Variants in SERPINI1 observed in about 807,000 individuals in gnomAD.
The protein encoded by SERPINI1 is neuroserpin.
In SERPINI1, 19 loss-of-function variants were observed where a neutral mutation model predicts 41.1. The ratio of observed to expected loss-of-function variants is 0.46; its 90% CI spans 0.32 to 0.68. The LOEUF is 0.68. SERPINI1 is among the 30% of genes least tolerant of loss of function. The pLI is 0.03. For synonymous variants in SERPINI1, 138 were observed against 156.6 expected (o/e 0.88, Z 0.89); for missense variants, 460 against 479.2 (o/e 0.96, Z 0.37).
intron 1 of SERPINI1, among the ~76,000 whole-genome samples, chr3:167,776,003 G>A (rs553582437): frequency 6.6e-6 from 1 of 152,150 alleles, no homozygotes; most frequent in Non-Finnish European, 1.5e-5. Context: ...CTACAAAATG[G>A]GGGGAGGCCT....
At chr3:167,749,312 C>G (rs571096676) in intron 1 of SERPINI1, among the ~76,000 whole-genome samples, 36 of 151,010 alleles carry the variant, frequency 2.4e-4, no homozygotes, top group African/African-American at 8.7e-4. Flanking sequence ...TGGTTTGACT[C>G]CTTCTCAACA....
chr3:167,766,935 T>C (rs1181209304), intron 1 of SERPINI1, among the ~76,000 whole-genome samples: 1 of 152,224 alleles, frequency 6.6e-6, no homozygotes, highest in South Asian at 2.1e-4. Context: ...CAGCAAGTGC[T>C]GATGGAGAAG....
intron 1 of SERPINI1, among the ~76,000 whole-genome samples, chr3:167,776,965 A>C (rs1159379475): frequency 6.6e-6 from 1 of 152,160 alleles, no homozygotes; most frequent in Non-Finnish European, 1.5e-5. Flanking sequence ...TTTAGTAAGA[A>C]TCCTGCTGAG....
intron 1 of SERPINI1, among the ~76,000 whole-genome samples, chr3:167,788,481 C>A (rs1354931033): frequency 6.6e-6 from 1 of 152,152 alleles, no homozygotes; most frequent in Non-Finnish European, 1.5e-5. Flanking sequence ...CTCCTCCCTG[C>A]CCAAAGATTG....
intron 6 of SERPINI1, among the ~76,000 whole-genome samples, chr3:167,812,748 T>C (rs1711936304): frequency 1.3e-5 from 2 of 152,330 alleles, no homozygotes; most frequent in South Asian, 4.1e-4. Context: ...TTTATTTCAA[T>C]TTGATATCCA....
At chr3:167,745,287 C>T (rs1265857914) in intron 1 of SERPINI1, among the ~76,000 whole-genome samples, 1 of 151,864 alleles carries the variant, frequency 6.6e-6, no homozygotes. Flanking sequence ...ATTAGCATTA[C>T]ATACTATATC....
At chr3:167,754,976 G>A (rs1367841073) in intron 1 of SERPINI1, among the ~76,000 whole-genome samples, 1 of 152,148 alleles carries the variant, frequency 6.6e-6, no homozygotes, top group Non-Finnish European at 1.5e-5. Context: ...GCTGTTCACA[G>A]ATATCTTTGA....
intron 1 of SERPINI1, among the ~76,000 whole-genome samples, chr3:167,764,022 C>CATAAG (rs71632476): frequency 6.6e-6 from 1 of 151,480 alleles, no homozygotes; most frequent in African/African-American, 2.4e-5. Context: ...TAAATCTTAA[C>CATAAG]TCACTCCCCA....
At chr3:167,823,580 A>G (rs933581586) in intron 7 of SERPINI1, among the ~76,000 whole-genome samples, 1 of 152,170 alleles carries the variant, frequency 6.6e-6, no homozygotes, top group African/African-American at 2.4e-5. Flanking sequence ...CATCACCTGA[A>G]GCATTTATCA....
intron 5 of SERPINI1, among the ~76,000 whole-genome samples, chr3:167,795,557 T>C (rs1727683780): frequency 6.6e-6 from 1 of 152,178 alleles, no homozygotes; most frequent in Non-Finnish European, 1.5e-5. Context: ...TTTCCCAAGA[T>C]AGTGTTGCTT....
chr3:167,756,440 G>A (rs1209955153), intron 1 of SERPINI1, among the ~76,000 whole-genome samples: 1 of 152,016 alleles, frequency 6.6e-6, no homozygotes, highest in African/African-American at 2.4e-5. Flanking sequence ...TGGGACTACA[G>A]GCATGCACCA....
Position 167,825,467 on chromosome 3 carries a change from A to C in SERPINI1, c.*144A>C. 1.5e-6 allele frequency: 1 copy of C among 647,840 alleles called. No homozygotes were observed. The highest frequency in any genetic ancestry group is 2.8e-5 in the East Asian group (1 of 35,930). 40.1% of individuals were successfully genotyped at this position (647,840 alleles called of 1,614,324 possible). A position where few individuals can be genotyped will look rare whatever the true frequency, so the allele number is the denominator to read the frequency against. Reference sequence around the variant, plus strand: ...ATAAAAACAATATATGTAAATTATAAGTAACTTGTCAAGGAATGTTATCAG... The same window carrying C: ...ATAAAAACAATATATGTAAATTATACGTAACTTGTCAAGGAATGTTATCAG... On this transcript the variant is annotated 3_prime_UTR_variant, in exon 9 of 9. Coordinates refer to ENST00000446050, the MANE Select transcript of SERPINI1 (RefSeq NM_001122752.2).
intron 7 of SERPINI1, 125 bp from the exon 8 acceptor site, chr3:167,824,348 T>C (rs1712445603): frequency 1.4e-6 from 1 of 696,114 alleles, no homozygotes; most frequent in Non-Finnish European, 2.5e-6. Context: ...GTTAAGTCTT[T>C]AAAATCTTGT....
At chr3:167,810,454 G>A (rs1711831654) in intron 6 of SERPINI1, among the ~76,000 whole-genome samples, 2 of 152,050 alleles carry the variant, frequency 1.3e-5, no homozygotes. Flanking sequence ...TTGTTTCCCA[G>A]TGCATATAAA....
chr3:167,794,721 C>A lies in SERPINI1; in HGVS notation c.778C>A (p.Gln260Lys), dbSNP rs780784169. Residue 260 changes from glutamine to lysine, a missense_variant, in exon 5 of 9, where the codon CAG becomes AAG. Gln to Lys is a moderately conservative substitution (Grantham distance 53). Coordinates refer to ENST00000446050, the MANE Select transcript of SERPINI1 (RefSeq NM_001122752.2). The part of the protein sequence containing the change: ...EISMMLVLSR[Q>K]EVPLATLEPL... The stretch of plus-strand genomic sequence containing the variant: ...AAGCATGATGCTGGTGCTGTCCAGA[C>A]AGGAAGTTCCTCTTGCTACTCTGGA... 1.4e-5 allele frequency: 23 copies of A among 1,613,532 alleles called. No homozygotes were observed. The highest frequency in any genetic ancestry group is 1.8e-5 in the Non-Finnish European group (21 of 1,179,788).
At chr3:167,752,114 C>T (rs1455139206) in intron 1 of SERPINI1, among the ~76,000 whole-genome samples, 1 of 152,190 alleles carries the variant, frequency 6.6e-6, no homozygotes, top group Non-Finnish European at 1.5e-5. Context: ...TTTCTCTCTT[C>T]ATCCTCCTAA....
At chr3:167,789,018 A>G in intron 1 of SERPINI1, 93 bp from the exon 2 acceptor site, 1 of 1,235,084 alleles carries the variant, frequency 8.1e-7, no homozygotes, top group Non-Finnish European at 1.1e-6. Flanking sequence ...CTGTTAATTG[A>G]CTTTTTAAAA....
chr3:167,810,117 C>T (rs916446755), intron 6 of SERPINI1, among the ~76,000 whole-genome samples: 7 of 152,086 alleles, frequency 4.6e-5, no homozygotes, highest in African/African-American at 1.7e-4. Flanking sequence ...AATTATAAAA[C>T]TTGCCCCTTT....
intron 2 of SERPINI1, 44 bp downstream of exon 2, chr3:167,789,422 C>T (rs201447316): frequency 2.9e-5 from 47 of 1,609,914 alleles, no homozygotes; most frequent in Non-Finnish European, 3.2e-5. Flanking sequence ...TTGAATTTGA[C>T]TTTGACTCAG....
Sources: gnomAD v4.1 joint callset for allele counts (sites outside exome capture counted in the v4.1 genomes callset) on GRCh38, gnomAD v4.1.1 for gene constraint, MANE v1.5 for transcripts, NCBI Gene and HGNC (gene_info 2026-07-23, HGNC 2026-07-21) for gene names.